Variants in DNAH3 observed in about 807,000 individuals in gnomAD.
DNAH3 encodes dynein axonemal heavy chain 3, also known as axonemal beta dynein heavy chain 3.
A neutral mutation model predicts 432.5 loss-of-function variants in DNAH3; 332 were observed. That is an observed-to-expected ratio of 0.77 (90% CI 0.70 to 0.84). The LOEUF is 0.84. Among genes scored for constraint, DNAH3 ranks in the 40% least tolerant of loss-of-function variants. The pLI, the probability that DNAH3 is intolerant of heterozygous loss-of-function variation, is 0.00. For missense variants in DNAH3, 4,861 were observed against 5,114.0 expected (o/e 0.95, Z 1.51); for synonymous variants, 1,956 against 1,900.2 (o/e 1.03, Z -0.76).
chr16:21,048,093 G>C (rs867354848), intron 31 of DNAH3, among the ~76,000 whole-genome samples: 1 of 152,240 alleles, frequency 6.6e-6, no homozygotes, highest in African/African-American at 2.4e-5. Context: ...GTCAGACAGG[G>C]ACATTTAAGT....
chr16:21,067,763 G>GC (rs1555545816), intron 23 of DNAH3, among the ~76,000 whole-genome samples: 2 of 85,652 alleles, frequency 2.3e-5, no homozygotes, highest in Non-Finnish European at 4.8e-5. Context: ...GTCTTGGGGG[G>GC]GGGGGTGGGG....
intron 44 of DNAH3, among the ~76,000 whole-genome samples, chr16:20,995,627 C>T (rs367817819): frequency 6.6e-6 from 1 of 152,026 alleles, no homozygotes; most frequent in African/African-American, 2.4e-5. Context: ...CGCCTTTTTT[C>T]CCTCTCTCTC....
At chr16:21,081,543 A>C in intron 20 of DNAH3, 93 bp downstream of exon 20, 1 of 1,036,150 alleles carries the variant, frequency 9.7e-7, no homozygotes, top group Non-Finnish European at 1.4e-6. Context: ...GGAAAAAAAA[A>C]CAAACAGCCC....
intron 9 of DNAH3, among the ~76,000 whole-genome samples, chr16:21,123,122 T>C (rs1168257424): frequency 6.6e-6 from 1 of 152,196 alleles, no homozygotes; most frequent in Non-Finnish European, 1.5e-5. Context: ...AGTCCAAAAG[T>C]ATTAATCATA....
intron 18 of DNAH3, among the ~76,000 whole-genome samples, chr16:21,092,562 G>C (rs2091565813): frequency 2.6e-5 from 4 of 151,750 alleles, no homozygotes; most frequent in Admixed American, 2.0e-4. Context: ...CCTTGGATTT[G>C]AGAATGGCTT....
At chr16:21,067,776 G>GGAGGGAGAGGGAGAGAGAGAGAGAGA (rs374291201) in intron 23 of DNAH3, among the ~76,000 whole-genome samples, 2 of 40,896 alleles carry the variant, frequency 4.9e-5, no homozygotes, top group Non-Finnish European at 8.4e-5. Context: ...GGGTGGGGAG[G>GGAGGGAGAGGGAGAGAGAGAGAGAGA]GAGAGAGAGA....
At chr16:21,135,871 C>T (rs952166344) in intron 6 of DNAH3, among the ~76,000 whole-genome samples, 5 of 139,730 alleles carry the variant, frequency 3.6e-5, no homozygotes, top group Non-Finnish European at 7.8e-5. Context: ...GAGACCTTGT[C>T]GCTAAAAAAA....
chr16:20,967,388 G>A (rs2085109114), intron 52 of DNAH3, among the ~76,000 whole-genome samples: 1 of 151,544 alleles, frequency 6.6e-6, no homozygotes, highest in South Asian at 2.1e-4. Context: ...TATCTCAGCA[G>A]GTCTCAACCC....
chr16:21,051,811 T>C, exon 29 of DNAH3: 1 of 1,613,996 alleles, frequency 6.2e-7, no homozygotes, highest in African/African-American at 1.3e-5. Flanking sequence ...TGAGATCCAT[T>C]GGAAATCATT....
intron 41 of DNAH3, among the ~76,000 whole-genome samples, chr16:21,008,853 G>A (rs2087447321): frequency 6.6e-6 from 1 of 152,204 alleles, no homozygotes; most frequent in Non-Finnish European, 1.5e-5. Flanking sequence ...AATGCTTGTA[G>A]AATTAAGTTG....
chr16:21,033,838 T>C (rs1431718364), intron 36 of DNAH3, 136 bp downstream of exon 36: 10 of 588,016 alleles, frequency 1.7e-5, no homozygotes, highest in Non-Finnish European at 2.7e-5. Flanking sequence ...CAGACATCTG[T>C]GTGCCATGTT....
At chr16:21,148,328 C>T (rs1355274015) in intron 1 of DNAH3, among the ~76,000 whole-genome samples, 1 of 151,996 alleles carries the variant, frequency 6.6e-6, no homozygotes, top group African/African-American at 2.4e-5. Context: ...TTTTTCATAC[C>T]CGCATTCTAG....
chr16:20,979,364 G>A, exon 50 of DNAH3: 1 of 1,614,136 alleles, frequency 6.2e-7, no homozygotes, highest in Non-Finnish European at 8.5e-7. Context: ...CTGCAAGCCT[G>A]TCAGGTAGCG....
intron 55 of DNAH3, among the ~76,000 whole-genome samples, chr16:20,954,042 C>T (rs574249756): frequency 2.0e-4 from 30 of 151,854 alleles, no homozygotes; most frequent in Non-Finnish European, 3.2e-4. Flanking sequence ...CTGGCCAACA[C>T]GGTGAAACCC....
At chr16:20,941,530 T>A in exon 59 of DNAH3, 1 of 1,614,158 alleles carries the variant, frequency 6.2e-7, no homozygotes, top group Non-Finnish European at 8.5e-7. Flanking sequence ...TTGTGCCAAC[T>A]CCTCAACCAC....
At chr16:20,987,998 A>T in exon 45 of DNAH3, 1 of 1,614,156 alleles carries the variant, frequency 6.2e-7, no homozygotes, top group Non-Finnish European at 8.5e-7. Context: ...TCGAACTGAA[A>T]ATCTTGGTTA....
chr16:20,965,447 G>C, intron 52 of DNAH3, 22 bp from the exon 53 acceptor site: 1 of 1,498,178 alleles, frequency 6.7e-7, no homozygotes, highest in South Asian at 1.4e-5. Context: ...AAGAAACAGA[G>C]ATAATGTGTT....
At chr16:21,031,132 A>G in exon 37 of DNAH3, 1 of 1,614,126 alleles carries the variant, frequency 6.2e-7, no homozygotes, top group South Asian at 1.1e-5. Context: ...TGCGATCATC[A>G]GAGAGTGAAG....
intron 19 of DNAH3, among the ~76,000 whole-genome samples, chr16:21,086,471 T>G (rs571536092): frequency 1.3e-5 from 2 of 152,176 alleles, no homozygotes; most frequent in Non-Finnish European, 2.9e-5. Flanking sequence ...CTTTTTTGTG[T>G]ATCCTAGGTC....
Sources: allele counts gnomAD v4.1 joint callset (sites outside exome capture counted in the v4.1 genomes callset), GRCh38; gene constraint gnomAD v4.1.1; transcripts MANE v1.5; gene names NCBI Gene and HGNC (gene_info 2026-07-23, HGNC 2026-07-21).